The following IKBKB variants were observed in gnomAD, a reference collection of about 807,000 sequenced individuals.
IKBKB encodes the protein inhibitor of nuclear factor kappa B kinase subunit beta, also known as inhibitor of nuclear factor kappa-B kinase subunit beta.
In IKBKB, 42 loss-of-function variants were observed where a neutral mutation model predicts 113.6. The observed-to-expected ratio is 0.37, with a 90% CI of 0.29 to 0.48. The LOEUF is 0.48. Ranked by LOEUF, IKBKB falls within the 20% of genes least tolerant of loss-of-function variation. The pLI is 0.99. For missense variants in IKBKB, 673 were observed against 939.7 expected (o/e 0.72, Z 3.71); for synonymous variants, 296 against 361.3 (o/e 0.82, Z 2.05).
chr8:42,275,779 T>A (rs1395312635), intron 2 of IKBKB, among the ~76,000 whole-genome samples: 1 of 152,240 alleles, frequency 6.6e-6, no homozygotes, highest in Non-Finnish European at 1.5e-5. Context: ...ATAAACTGAT[T>A]TCCTTTCCTT....
At chr8:42,329,543 TAATA>T (rs1244887972) in intron 21 of IKBKB, 1 of 885,082 alleles carries the variant, frequency 1.1e-6, no homozygotes, top group Non-Finnish European at 1.4e-6. Context: ...TTATTCATAA[TAATA>T]GTGATGTCTA....
Position 42,271,315 on chromosome 8 carries a change from A to C in IKBKB, c.-173A>C. On this transcript the variant is annotated 5_prime_UTR_variant, in exon 1 of 22. Transcript: ENST00000520810. ...CCAACGTGCTCCGTGACGTCAGAGC[A>C]GGAAGTGTTTGAGGAAGTCGCGCCG... is the stretch of plus-strand genomic sequence containing the variant. The C allele has an allele frequency of 3.1e-6, 3 of 955,582 alleles. No homozygotes were observed. The highest frequency in any genetic ancestry group is 4.9e-6 in the Non-Finnish European group (3 of 617,652). 59.2% of individuals were successfully genotyped at this position (955,582 alleles called of 1,614,324 possible). A position where few individuals can be genotyped will look rare whatever the true frequency, so the allele number is the denominator to read the frequency against.
chr8:42,306,508 G>A (rs936771702), intron 7 of IKBKB, 76 bp downstream of exon 7: 20 of 966,888 alleles, frequency 2.1e-5, no homozygotes, highest in Admixed American at 1.6e-4. Flanking sequence ...GTCCTGCCTT[G>A]CTCCCAGCAC....
chr8:42,271,371 A>G lies in IKBKB; in HGVS notation c.-117A>G. On this transcript the variant is annotated 5_prime_UTR_variant, in exon 1 of 22. It removes an upstream start codon present in the reference 5' UTR. Coordinates refer to ENST00000520810, the MANE Select transcript of IKBKB (RefSeq NM_001556.3). ...CCCGCGTTAAGATTCCCGCATTTTA[A>G]TGTTTTCAGGGGGGTGTCATAGCCC... 2.7e-6 allele frequency: 4 copies of G among 1,493,258 alleles called. No individual in the cohort carries two copies. The highest frequency in any genetic ancestry group is 1.2e-5 in the South Asian group (1 of 83,200). 92.5% of individuals were successfully genotyped at this position (1,493,258 alleles called of 1,614,324 possible). A position where few individuals can be genotyped will look rare whatever the true frequency, so the allele number is the denominator to read the frequency against.
intron 2 of IKBKB, among the ~76,000 whole-genome samples, chr8:42,277,380 A>G (rs1809397965): frequency 6.6e-6 from 1 of 151,060 alleles, no homozygotes; most frequent in Non-Finnish European, 1.5e-5. Context: ...ACGGGGTTTC[A>G]CCATGCTGGC....
chr8:42,276,913 C>T (rs182947572), intron 2 of IKBKB, among the ~76,000 whole-genome samples: 1,443 of 138,228 alleles, frequency 0.01, 85 homozygotes, highest in Admixed American at 0.084. Context: ...GTCGCCCAAG[C>T]TGGAGTGCAG....
chr8:42,271,395 C>T lies in IKBKB; in HGVS notation c.-93C>T. 1 of 1,516,796 alleles carries T rather than the reference C, an allele frequency of 6.6e-7. No homozygotes were observed. Among genetic ancestry groups the T allele is most frequent in the Non-Finnish European group, 8.8e-7 (1 of 1,131,206 alleles). The allele number at this position is 1,516,796 out of a possible 1,614,324, so 94.0% of individuals were successfully genotyped here. On this transcript the variant is annotated 5_prime_UTR_variant, in exon 1 of 22. Coordinates refer to ENST00000520810, the MANE Select transcript of IKBKB (RefSeq NM_001556.3). The stretch of plus-strand genomic sequence containing the variant: ...AATGTTTTCAGGGGGGTGTCATAGC[C>T]CCGGGTTTGGCCGCCCCAGCCCCGC...
chr8:42,284,852 CTTTTT>C (rs559953662), intron 2 of IKBKB, among the ~76,000 whole-genome samples: 25 of 116,082 alleles, frequency 2.2e-4, no homozygotes, highest in African/African-American at 7.4e-4. Context: ...AAACGTTATT[CTTTTT>C]TTTTTTTTTT....
rs1819151752 is a variant in IKBKB, at chr8:42,318,589, G to A, written c.1278G>A (p.Leu426=). 3 of 1,613,940 alleles carry A rather than the reference G, an allele frequency of 1.9e-6. No homozygotes were observed. The highest frequency in any genetic ancestry group is 1.7e-6 in the Non-Finnish European group (2 of 1,179,886). The change falls in exon 13 of 22, where the codon CTG becomes CTA. Residue 426 remains leucine, a synonymous_variant. Transcript: ENST00000520810. ...EPKRNLAFFQ[L]RKVWGQVWHS... ...AGAGGAATCTCGCCTTCTTCCAGCT[G>A]AGGAAGGTGTGGGGCCAGGTCTGGC...
intron 5 of IKBKB, among the ~76,000 whole-genome samples, chr8:42,294,655 C>T (rs940551555): frequency 3.3e-5 from 5 of 152,346 alleles, no homozygotes; most frequent in South Asian, 4.1e-4. Flanking sequence ...GCTGTGTCTT[C>T]GTCCCTTTGG....
In IKBKB at chr8:42,331,790, A is replaced by G; in HGVS notation, c.*811A>G. On this transcript the variant is annotated 3_prime_UTR_variant, in exon 22 of 22. Coordinates refer to ENST00000520810, the MANE Select transcript of IKBKB (RefSeq NM_001556.3). ...GGAGGGACAGAAAGGGTATCTGCTG[A>G]CCACCAGCCTGCCTACCCATGCCCA... The G allele has an allele frequency of 3.5e-6, 1 of 287,528 alleles. No homozygotes were observed. The highest frequency in any genetic ancestry group is 3.7e-5 in the South Asian group (1 of 27,134). 17.8% of individuals were successfully genotyped at this position (287,528 alleles called of 1,614,324 possible). A position where few individuals can be genotyped will look rare whatever the true frequency, so the allele number is the denominator to read the frequency against.
intron 3 of IKBKB, among the ~76,000 whole-genome samples, 180 bp from the exon 4 acceptor site, chr8:42,289,976 G>A (rs1167124072): frequency 6.6e-6 from 1 of 152,200 alleles, no homozygotes; most frequent in African/African-American, 2.4e-5. Context: ...TGCTGTGAGT[G>A]GGGCTGGGTG....
Position 42,325,361 on chromosome 8 carries a change from A to G in IKBKB, c.1987-609A>G, listed in dbSNP as rs1820545088. 3 of 985,724 alleles carry G rather than the reference A, an allele frequency of 3.0e-6. No individual in the cohort carries two copies. In the Admixed American group the frequency reaches 1.8e-4, roughly 61 times the overall value. 61.1% of individuals were successfully genotyped at this position (985,724 alleles called of 1,614,324 possible). On this transcript the variant is annotated intron_variant, in intron 19 of 21. Transcript: ENST00000520810. ...TGTGTCTGTCTTCTACCTGGAAAAC[A>G]GTAAGAATACTTTCCTGTTCTTTTC...
intron 5 of IKBKB, among the ~76,000 whole-genome samples, chr8:42,297,489 C>A (rs1585646317): frequency 6.6e-6 from 1 of 152,178 alleles, no homozygotes; most frequent in African/African-American, 2.4e-5. Flanking sequence ...TCTTCTGTGC[C>A]GCTAACCTCC....
At position 42,319,259 on chromosome 8, in the gene IKBKB, G is replaced by T. The variant is rs1442280662; in HGVS notation, c.1365-11G>T. 6.2e-7 allele frequency: 1 copy of T among 1,613,610 alleles called. No homozygotes were observed. Among genetic ancestry groups the T allele is most frequent in the South Asian group, 1.1e-5 (1 of 91,054 alleles). ...GAGATGCTCCAAGACTGTTCCTTGT[G>T]GTCCCTGCAGGATGAATCTCCTCCG... On this transcript the variant is annotated splice_polypyrimidine_tract_variant and intron_variant, in intron 13 of 21. Coordinates refer to ENST00000520810, the MANE Select transcript of IKBKB (RefSeq NM_001556.3).
intron 5 of IKBKB, among the ~76,000 whole-genome samples, chr8:42,299,340 C>T (rs561086442): frequency 2.6e-5 from 4 of 152,304 alleles, no homozygotes; most frequent in Admixed American, 6.5e-5. Context: ...CTCCTTAACC[C>T]TGTGTGCTAA....
rs1220379326 is a variant in IKBKB at position 42,321,943 on chromosome 8, G to A, written c.1736G>A (p.Arg579Gln). 34 of 1,613,176 alleles carry A rather than the reference G, an allele frequency of 2.1e-5. No homozygotes were observed. Among genetic ancestry groups the A allele is most frequent in the Non-Finnish European group, 1.9e-5 (22 of 1,179,476 alleles). ...ELYRRLREKP[R>Q]DQRTEGDSQE... ...TACAGGAGACTAAGGGAAAAACCTC[G>A]AGGTAAGTGGGGTTCTGTGTCTGCC... The change falls in exon 17 of 22, where the codon CGA becomes CAA. Residue 579 changes from arginine (R) to glutamine (Q), a missense_variant and splice_region_variant. Around this residue, in one of 2 missense-constraint regions of IKBKB, gnomAD observed 506 missense variants for 638.7 expected, o/e 0.79. Transcript: ENST00000520810.
intron 5 of IKBKB, among the ~76,000 whole-genome samples, chr8:42,297,850 G>A (rs548874769): frequency 6.0e-4 from 92 of 152,132 alleles, no homozygotes; most frequent in Middle Eastern, 3.4e-3. Flanking sequence ...AGCCGAGATC[G>A]CGCCATTGCA....
Position 42,316,250 on chromosome 8 carries a change from C to G in IKBKB, c.841C>G (p.Leu281Val). The change falls in exon 10 of 22, where the codon CTG (leucine) becomes GTG (valine). Residue 281 changes from leucine to valine, a missense_variant. By Grantham distance (32) the Leu-to-Val change is conservative. Around this residue, in one of 2 missense-constraint regions of IKBKB, gnomAD observed 506 missense variants for 638.7 expected, o/e 0.79. Transcript: ENST00000520810. This position sits in a 1 kb window ranked among gnomAD's most constrained non-coding sequence, Gnocchi z 4.5. ...ACTGGAGAAGTGGCTGCAACTGATG[C>G]TGATGTGGCACCCCCGACAGAGGGG... The part of the protein sequence containing the change: ...ERLEKWLQLM[L>V]MWHPRQRGTD... The G allele has an allele frequency of 1.2e-6, 2 of 1,614,156 alleles. No individual in the cohort carries two copies. The highest frequency in any genetic ancestry group is 1.7e-4 in the Middle Eastern group (1 of 6,056).
Sources: allele counts gnomAD v4.1 joint callset (sites outside exome capture counted in the v4.1 genomes callset), GRCh38; gene constraint gnomAD v4.1.1; regional missense constraint gnomAD v4.1.1; non-coding constraint Gnocchi (gnomAD v3.1); transcripts MANE v1.5; gene names NCBI Gene and HGNC (gene_info 2026-07-23, HGNC 2026-07-21).